The following TMEM229B variants were observed in gnomAD, a reference collection of about 807,000 sequenced individuals.
TMEM229B encodes the protein chromosome 14 open reading frame 83.
A neutral mutation model predicts 13.7 loss-of-function variants in TMEM229B; 6 were observed. That is an observed-to-expected ratio of 0.44 (90% CI 0.24 to 0.86). The LOEUF is 0.86. Ranked by LOEUF, TMEM229B falls within the 40% of genes least tolerant of loss-of-function variation. The pLI is 0.23. For missense variants in TMEM229B, 170 were observed against 236.0 expected, an observed-to-expected ratio of 0.72 and a Z score of 1.83; for synonymous variants, 107 against 102.1, an observed-to-expected ratio of 1.05 and a Z score of -0.29.
intron 1 of TMEM229B, chr14:67,503,422 T>C (rs1317157402): frequency 2.0e-5 from 3 of 152,200 alleles, no homozygotes; most frequent in East Asian, 1.9e-4. Flanking sequence ...GCTGGGGAGA[T>C]ACGTTTGGAA....
intron 1 of TMEM229B, among the ~76,000 whole-genome samples, chr14:67,495,261 A>G (rs1315153435): frequency 1.3e-5 from 2 of 151,880 alleles, no homozygotes; most frequent in African/African-American, 4.8e-5. Context: ...TCCTCTTCCA[A>G]TTTGGCCCTC....
upstream of TMEM229B, among the ~76,000 whole-genome samples, chr14:67,517,540 G>T (rs2033226233): frequency 6.6e-6 from 1 of 152,142 alleles, no homozygotes; most frequent in Non-Finnish European, 1.5e-5. Context: ...AAGCTCTATT[G>T]TAGAAGCCAA....
intron 1 of TMEM229B, among the ~76,000 whole-genome samples, chr14:67,527,269 G>A (rs1317845428): frequency 6.6e-6 from 1 of 152,140 alleles, no homozygotes; most frequent in Non-Finnish European, 1.5e-5. Flanking sequence ...CTTGGTCTTC[G>A]TGAGCCTCAG....
chr14:67,482,406 G>A (rs923347162), intron 2 of TMEM229B, among the ~76,000 whole-genome samples: 4 of 152,212 alleles, frequency 2.6e-5, no homozygotes, highest in Admixed American at 2.6e-4. Context: ...CAGTGACTCT[G>A]GGAATTTTTG....
At position 67,472,934 on chromosome 14, in the gene TMEM229B, CCTCGG is replaced by C; in HGVS notation, c.*481_*485del. The C allele has an allele frequency of 5.9e-6, 1 of 170,566 alleles. No homozygotes were observed. Among genetic ancestry groups the C allele is most frequent in the Admixed American group, 5.5e-5 (1 of 18,204 alleles). The allele number at this position is 170,566 out of a possible 1,614,324, so 10.6% of individuals were successfully genotyped here. A position where few individuals can be genotyped will look rare whatever the true frequency, so the allele number is the denominator to read the frequency against. ...GCAGCCTCCTGGCTGCCCAGTCTCT[CCTCGG>C]CTGCAGCTCAGCAGGCCCCTGGGGA... On this transcript the variant is annotated 3_prime_UTR_variant, in exon 3 of 3. Transcript: ENST00000554480.
At chr14:67,480,416 C>T (rs1040045892) in intron 2 of TMEM229B, among the ~76,000 whole-genome samples, 5 of 152,120 alleles carry the variant, frequency 3.3e-5, no homozygotes, top group Non-Finnish European at 7.4e-5. Context: ...CTGTGGCTAC[C>T]GAGGGATGAA....
chr14:67,502,358 G>GA (rs1438115489), intron 1 of TMEM229B, among the ~76,000 whole-genome samples: 1 of 147,986 alleles, frequency 6.8e-6, no homozygotes, highest in Non-Finnish European at 1.5e-5. Flanking sequence ...GAAAAAAAAA[G>GA]AAAAAAATGC....
upstream of TMEM229B, among the ~76,000 whole-genome samples, chr14:67,493,440 T>G (rs1012437114): frequency 2.6e-5 from 4 of 152,190 alleles, no homozygotes; most frequent in African/African-American, 9.7e-5. Context: ...GGGTCTGTGT[T>G]AGGGATAAAA....
chr14:67,490,300 A>G (rs955178419), upstream of TMEM229B, among the ~76,000 whole-genome samples: 11 of 152,200 alleles, frequency 7.2e-5, no homozygotes, highest in Non-Finnish European at 1.3e-4. Context: ...TCCAGGAGCC[A>G]TTGCACCACC....
intron 1 of TMEM229B, among the ~76,000 whole-genome samples, chr14:67,503,299 G>A (rs2032684468): frequency 6.6e-6 from 1 of 152,240 alleles, no homozygotes; most frequent in South Asian, 2.1e-4. Context: ...CAAGGCAGGT[G>A]AGTGCCCTTC....
At chr14:67,476,707 G>C (rs778281729) in intron 2 of TMEM229B, among the ~76,000 whole-genome samples, 1 of 152,076 alleles carries the variant, frequency 6.6e-6, no homozygotes, top group Non-Finnish European at 1.5e-5. Context: ...CATATCCCAG[G>C]GCCAGTAAAT....
intron 1 of TMEM229B, among the ~76,000 whole-genome samples, chr14:67,497,984 C>G (rs1377948103): frequency 2.0e-5 from 3 of 152,248 alleles, no homozygotes; most frequent in African/African-American, 4.8e-5. Context: ...CTCAAGGTCT[C>G]TCTGACCTTC....
At chr14:67,508,784 A>G (rs573550550) in intron 1 of TMEM229B, among the ~76,000 whole-genome samples, 15 of 141,796 alleles carry the variant, frequency 1.1e-4, no homozygotes, top group South Asian at 8.9e-4. Flanking sequence ...GAAGACAATT[A>G]ACTTGCTTGG....
upstream of TMEM229B, chr14:67,488,841 CAGAA>C (rs1239759092): frequency 1.3e-5 from 2 of 152,270 alleles, no homozygotes; most frequent in African/African-American, 4.8e-5. Flanking sequence ...CCCCAGCACT[CAGAA>C]AGGCTCCTTT....
chr14:67,532,667 A>G (rs565795118), intron 1 of TMEM229B, among the ~76,000 whole-genome samples: 1 of 152,316 alleles, frequency 6.6e-6, no homozygotes, highest in Admixed American at 6.5e-5. Flanking sequence ...AGCCTGGGCA[A>G]CATAGCGAGA....
At chr14:67,483,171 CA>C (rs1420707149) in intron 2 of TMEM229B, among the ~76,000 whole-genome samples, 1 of 152,046 alleles carries the variant, frequency 6.6e-6, no homozygotes, top group African/African-American at 2.4e-5. Flanking sequence ...CCACCACACC[CA>C]GCTAATTTTT....
chr14:67,473,398 A>C lies in TMEM229B; in HGVS notation c.*22T>G. 1 of 1,608,630 alleles carries C rather than the reference A, an allele frequency of 6.2e-7. No individual in the cohort carries two copies. Among genetic ancestry groups the C allele is most frequent in the Non-Finnish European group, 8.5e-7 (1 of 1,177,256 alleles). On this transcript the variant is annotated 3_prime_UTR_variant, in exon 3 of 3. Transcript: ENST00000554480. The surrounding 1 kb of genome is among the most constrained non-coding windows in gnomAD (Gnocchi z 6.5). ...TCCATGAGTTCCATGAGAGATCCCC[A>C]GGCCCCCCACCCGCTTCCTGCTCAG...
upstream of TMEM229B, among the ~76,000 whole-genome samples, chr14:67,493,603 G>A (rs1002358968): frequency 6.6e-6 from 1 of 152,168 alleles, no homozygotes; most frequent in Non-Finnish European, 1.5e-5. Flanking sequence ...AACACTGAGG[G>A]TCAGTGTGCT....
intron 1 of TMEM229B, among the ~76,000 whole-genome samples, chr14:67,533,054 A>G (rs1214858635): frequency 6.6e-6 from 1 of 152,038 alleles, no homozygotes; most frequent in African/African-American, 2.4e-5. Context: ...GGGAGGCTGG[A>G]GCCTGCTGAG....
Sources: allele counts gnomAD v4.1 joint callset (sites outside exome capture counted in the v4.1 genomes callset), GRCh38; gene constraint gnomAD v4.1.1; non-coding constraint Gnocchi (gnomAD v3.1); transcripts MANE v1.5; gene names NCBI Gene and HGNC (gene_info 2026-07-23, HGNC 2026-07-21).